Variants in USP13 observed in about 807,000 individuals in gnomAD.
USP13 encodes ubiquitin specific peptidase 13.
Under a neutral mutation model 107.8 loss-of-function variants are expected in USP13, and 68 were observed. The observed-to-expected ratio is 0.63, with a 90% confidence interval of 0.52 to 0.77. The LOEUF is 0.77. Among genes scored for constraint, USP13 ranks in the 30% least tolerant of loss-of-function variants. USP13 has a pLI of 0.00. For synonymous variants in USP13, 377 were observed against 389.5 expected (o/e 0.97, Z 0.38); for missense variants, 945 against 1,093.3 (o/e 0.86, Z 1.91).
intron 17 of USP13, among the ~76,000 whole-genome samples, chr3:179,761,981 A>G (rs1420133010): frequency 3.3e-5 from 5 of 152,214 alleles, no homozygotes; most frequent in African/African-American, 4.8e-5. Flanking sequence ...GTACATTTCA[A>G]TGGTTTTTCA....
intron 3 of USP13, among the ~76,000 whole-genome samples, chr3:179,692,147 G>T (rs1276339698): frequency 6.6e-6 from 1 of 152,204 alleles, no homozygotes; most frequent in East Asian, 1.9e-4. Context: ...GAGATCAGAA[G>T]AGTCTGGAAG....
chr3:179,729,794 G>A (rs1456284814), intron 8 of USP13, among the ~76,000 whole-genome samples: 5 of 152,136 alleles, frequency 3.3e-5, no homozygotes, highest in African/African-American at 1.2e-4. Context: ...TCATCGAGGT[G>A]GTGATTATTG....
At chr3:179,722,633 T>C (rs949272482) in intron 8 of USP13, among the ~76,000 whole-genome samples, 2 of 152,212 alleles carry the variant, frequency 1.3e-5, no homozygotes, top group African/African-American at 4.8e-5. Flanking sequence ...CATTTCTTTG[T>C]ATTAGGAATA....
rs1007075983 is a variant in USP13, at chr3:179,653,465, C to T, written c.168+72C>T. The T allele has an allele frequency of 2.7e-6, 4 of 1,507,998 alleles. No individual in the cohort carries two copies. Among genetic ancestry groups the T allele is most frequent in the Middle Eastern group, 2.1e-4 (1 of 4,704 alleles). The allele number at this position is 1,507,998 out of a possible 1,614,324, so 93.4% of individuals were successfully genotyped here. A position where few individuals can be genotyped will look rare whatever the true frequency, so the allele number is the denominator to read the frequency against. ...GCACGTGAAGCCGGGGGAGAAGATGCGCAGTGGCGGCCGGGACCTCTTCTC... is the reference window on the plus strand; with the variant it reads ...GCACGTGAAGCCGGGGGAGAAGATGTGCAGTGGCGGCCGGGACCTCTTCTC... On this transcript the variant is annotated intron_variant, in intron 1 of 20. Coordinates refer to ENST00000263966, the MANE Select transcript of USP13 (RefSeq NM_003940.3). This position sits in a 1 kb window ranked among gnomAD's most constrained non-coding sequence, Gnocchi z 4.0.
Position 179,653,653 on chromosome 3 carries a change from C to A in USP13, c.168+260C>A. ...GATTCCCAGCAGCTTGCACACAGCC[C>A]CGCCGCCGTTTAAAGATAGATGAAA... is the stretch of plus-strand genomic sequence containing the variant. On this transcript the variant is annotated intron_variant, in intron 1 of 20. Transcript: ENST00000263966. The surrounding 1 kb of genome is among the most constrained non-coding windows in gnomAD (Gnocchi z 4.0). 1 of 486,702 alleles carries A rather than the reference C, an allele frequency of 2.1e-6. No individual in the cohort carries two copies. Among genetic ancestry groups the A allele is most frequent in the Non-Finnish European group, 3.7e-6 (1 of 273,336 alleles). The allele number at this position is 486,702 out of a possible 1,614,324, so 30.1% of individuals were successfully genotyped here.
In USP13 at chr3:179,701,145, C is replaced by T. The variant is rs373616106; in HGVS notation, c.477+16C>T. 11 of 1,373,814 alleles carry T rather than the reference C, an allele frequency of 8.0e-6. No homozygotes were observed. The highest frequency in any genetic ancestry group is 2.0e-5 in the Admixed American group (1 of 49,348). 85.1% of individuals were successfully genotyped at this position (1,373,814 alleles called of 1,614,324 possible). On this transcript the variant is annotated intron_variant, in intron 4 of 20. Transcript: ENST00000263966. ...ACCAGCCCTGGTCAGTGAGTGTGCA[C>T]GGCTGCTAGCTAGATGCGCATGGCT...
Position 179,742,144 on chromosome 3 carries a change from C to T in USP13, c.1381-53C>T, listed in dbSNP as rs1714222543. ...GTTTAGAGTTCATTTTCTACTAAGT[C>T]TTAGTGGCTCAATATTCATACATTT... On this transcript the variant is annotated intron_variant, in intron 11 of 20. Coordinates refer to ENST00000263966, the MANE Select transcript of USP13 (RefSeq NM_003940.3). This position sits in a 1 kb window ranked among gnomAD's most constrained non-coding sequence, Gnocchi z 5.0. The T allele has an allele frequency of 1.2e-6, 2 of 1,608,634 alleles. No homozygotes were observed. Among genetic ancestry groups the T allele is most frequent in the Non-Finnish European group, 1.7e-6 (2 of 1,175,840 alleles).
intron 4 of USP13, among the ~76,000 whole-genome samples, chr3:179,705,430 C>T (rs550006217): frequency 7.2e-5 from 11 of 152,288 alleles, no homozygotes; most frequent in African/African-American, 1.2e-4. Context: ...CATCCTCCAG[C>T]GCTTCCTCCA....
chr3:179,779,662 C>T (rs1715673985), intron 19 of USP13, among the ~76,000 whole-genome samples: 1 of 147,386 alleles, frequency 6.8e-6, no homozygotes, highest in Admixed American at 6.9e-5. Flanking sequence ...TTGTACGTAG[C>T]AGAGCAGCTC....
chr3:179,763,949 A>AC, intron 17 of USP13, 53 bp from the exon 18 acceptor site: 1 of 1,396,980 alleles, frequency 7.2e-7, no homozygotes, highest in Non-Finnish European at 9.6e-7. Context: ...TTGTTTCAGG[A>AC]CAAAAAAAAA....
intron 15 of USP13, 77 bp downstream of exon 15, chr3:179,754,931 G>C (rs1714736965): frequency 4.0e-6 from 6 of 1,487,104 alleles, no homozygotes; most frequent in Admixed American, 2.3e-5. Flanking sequence ...TTCCACCACT[G>C]TGTTGCTGCT....
chr3:179,694,799 C>CAAAGAAAAAAAAA (rs1327789835), intron 3 of USP13, among the ~76,000 whole-genome samples: 1 of 82,154 alleles, frequency 1.2e-5, no homozygotes. Flanking sequence ...AACTCCATCT[C>CAAAGAAAAAAAAA]AAAAAAAAAA....
intron 1 of USP13, among the ~76,000 whole-genome samples, chr3:179,680,212 G>A (rs9859336): frequency 0.66 from 100,559 of 151,770 alleles, 34,283 homozygotes; most frequent in African/African-American, 0.83. Context: ...AAAAGAAAGA[G>A]AGAGAGAGAG....
intron 4 of USP13, among the ~76,000 whole-genome samples, chr3:179,703,868 C>T (rs183970783): frequency 6.5e-4 from 99 of 152,196 alleles, no homozygotes; most frequent in African/African-American, 2.3e-3. Context: ...TTTATTTAGT[C>T]GTAAGTTTTT....
chr3:179,728,852 C>G (rs999027043), intron 8 of USP13, among the ~76,000 whole-genome samples: 1 of 152,040 alleles, frequency 6.6e-6, no homozygotes, highest in African/African-American at 2.4e-5. Flanking sequence ...CGTGGCGGCG[C>G]GCGCCTACAA....
At chr3:179,716,060 G>A (rs1204212901) in intron 6 of USP13, among the ~76,000 whole-genome samples, 1 of 151,904 alleles carries the variant, frequency 6.6e-6, no homozygotes, top group Non-Finnish European at 1.5e-5. Context: ...GAGTAGCTGG[G>A]ATTACAGGCA....
At chr3:179,704,979 G>A (rs1202978033) in intron 4 of USP13, among the ~76,000 whole-genome samples, 1 of 152,158 alleles carries the variant, frequency 6.6e-6, no homozygotes, top group Admixed American at 6.5e-5. Flanking sequence ...TGGCTGCTAT[G>A]CAGAGAAGAG....
intron 1 of USP13, among the ~76,000 whole-genome samples, chr3:179,675,912 A>G (rs1720880061): frequency 6.6e-6 from 1 of 152,040 alleles, no homozygotes. Context: ...TTTATTTTGT[A>G]TCCTGCCTGA....
intron 2 of USP13, among the ~76,000 whole-genome samples, chr3:179,684,005 G>A (rs1411521176): frequency 2.6e-5 from 4 of 151,864 alleles, no homozygotes; most frequent in Non-Finnish European, 5.9e-5. Flanking sequence ...TCTGTCACCA[G>A]GCTGGAGTGC....
Sources: gnomAD v4.1 joint callset for allele counts (sites outside exome capture counted in the v4.1 genomes callset) on GRCh38, gnomAD v4.1.1 for gene constraint, Gnocchi (gnomAD v3.1) non-coding constraint, MANE v1.5 for transcripts, NCBI Gene and HGNC (gene_info 2026-07-23, HGNC 2026-07-21) for gene names.